NEGR1: variants seen among roughly 807,000 people sequenced by gnomAD.
NEGR1 encodes the protein IgLON family member 4.
A neutral mutation model predicts 40.9 loss-of-function variants in NEGR1; 10 were observed. That is an observed-to-expected ratio of 0.24 (90% CI 0.15 to 0.42). The LOEUF (loss-of-function observed/expected upper bound fraction) is 0.42. NEGR1 is among the 10% of genes least tolerant of loss of function. The probability of loss-of-function intolerance (pLI) is 1.00; values close to 1 mark genes in which losing one functional copy is unlikely to be tolerated. For missense variants in NEGR1, 352 were observed against 438.9 expected, an observed-to-expected ratio of 0.80 and a Z score of 1.77; for synonymous variants, 185 against 166.8, an observed-to-expected ratio of 1.11 and a Z score of -0.84.
intron 2 of NEGR1, among the ~76,000 whole-genome samples, chr1:71,846,049 C>A (rs997706737): frequency 2.6e-5 from 4 of 151,300 alleles, no homozygotes; most frequent in African/African-American, 7.3e-5. Flanking sequence ...CAGGCATGGG[C>A]CACCACCCCC....
intron 6 of NEGR1, among the ~76,000 whole-genome samples, chr1:71,567,457 C>T (rs1457759073): frequency 1.3e-5 from 2 of 152,038 alleles, no homozygotes; most frequent in Non-Finnish European, 1.5e-5. Flanking sequence ...ATTTAATAGC[C>T]TATGCTTATT....
chr1:72,252,755 T>TC (rs748592427), intron 1 of NEGR1, among the ~76,000 whole-genome samples: 10 of 152,168 alleles, frequency 6.6e-5, no homozygotes, highest in Non-Finnish European at 1.3e-4. Flanking sequence ...AGGACCCATG[T>TC]CCATTTGGGG....
At chr1:72,092,698 T>G (rs1307398033) in intron 1 of NEGR1, among the ~76,000 whole-genome samples, 1 of 152,154 alleles carries the variant, frequency 6.6e-6, no homozygotes, top group Admixed American at 6.5e-5. Context: ...TTGCCCAGGC[T>G]GGAGTGCAGT....
chr1:71,756,179 C>A lies in NEGR1; in HGVS notation c.535+19993G>T, dbSNP rs954213755. Among the ~76,000 whole-genome samples, 6 of 152,046 alleles carry A rather than the reference C, an allele frequency of 3.9e-5. 1 individual carries two copies. The highest frequency in any genetic ancestry group is 1.5e-5 in the Non-Finnish European group (1 of 68,020). On this transcript the variant is annotated intron_variant, in intron 3 of 6. Transcript: ENST00000357731. ...TGTTGGTTCTCTCATTTGTTGCCTGCTGATCACTTTTTAGTTAGCCATTGT... is the reference window on the plus strand; with the variant it reads ...TGTTGGTTCTCTCATTTGTTGCCTGATGATCACTTTTTAGTTAGCCATTGT...
intron 4 of NEGR1, among the ~76,000 whole-genome samples, chr1:71,682,660 A>C (rs1037561585): frequency 8.5e-5 from 13 of 152,162 alleles, no homozygotes; most frequent in African/African-American, 3.1e-4. Context: ...ATATGTGGCT[A>C]TGATATAGTT....
In NEGR1 at chr1:71,973,539, A is replaced by C. The variant is rs556661718; in HGVS notation, c.177-38228T>G. On this transcript the variant is annotated intron_variant, in intron 1 of 6. Transcript: ENST00000357731. ...TCATCCAGAAACCATTGGGATTTTT[A>C]ATCTCCATGCAGAATGGAAGGGACA... 7.4e-4 allele frequency among the ~76,000 whole-genome samples: 113 copies of C among 152,304 alleles called. 1 individual carries two copies. The highest frequency in any genetic ancestry group is 2.6e-3 in the African/African-American group (110 of 41,580).
At chr1:72,164,871 A>C (rs1434807320) in intron 1 of NEGR1, among the ~76,000 whole-genome samples, 1 of 152,094 alleles carries the variant, frequency 6.6e-6, no homozygotes, top group Non-Finnish European at 1.5e-5. Flanking sequence ...GAATATTTTT[A>C]AAATGTCATT....
intron 2 of NEGR1, among the ~76,000 whole-genome samples, chr1:71,905,365 T>A (rs988484402): frequency 2.0e-5 from 3 of 152,038 alleles, no homozygotes; most frequent in East Asian, 3.8e-4. Flanking sequence ...ATTTTTCTAA[T>A]CTCATATTTT....
intron 6 of NEGR1, among the ~76,000 whole-genome samples, chr1:71,426,816 A>T (rs976257405): frequency 1.2e-4 from 18 of 151,562 alleles, no homozygotes; most frequent in South Asian, 2.1e-4. Context: ...TGTGAGATTT[A>T]AAAAAAAATA....
chr1:71,710,056 A>T (rs991851659), intron 3 of NEGR1, among the ~76,000 whole-genome samples: 2 of 152,222 alleles, frequency 1.3e-5, no homozygotes, highest in African/African-American at 4.8e-5. Context: ...ATATCTAATA[A>T]TCTGATGAAA....
At chr1:72,256,635 T>G (rs1655279073) in intron 1 of NEGR1, among the ~76,000 whole-genome samples, 1 of 152,192 alleles carries the variant, frequency 6.6e-6, no homozygotes, top group African/African-American at 2.4e-5. Context: ...AGAAGAAAAT[T>G]AATGAGCTAA....
At chr1:72,222,620 T>A (rs1033512740) in intron 1 of NEGR1, among the ~76,000 whole-genome samples, 1 of 152,152 alleles carries the variant, frequency 6.6e-6, no homozygotes, top group African/African-American at 2.4e-5. Context: ...AGGTTCTCTA[T>A]CCTTACACCT....
intron 2 of NEGR1, among the ~76,000 whole-genome samples, chr1:71,867,451 C>A (rs1344142699): frequency 6.6e-6 from 1 of 152,016 alleles, no homozygotes; most frequent in African/African-American, 2.4e-5. Flanking sequence ...TGCTGTGTAG[C>A]AAATAATGGA....
chr1:72,251,364 T>A (rs1388381132), intron 1 of NEGR1, among the ~76,000 whole-genome samples: 2 of 152,160 alleles, frequency 1.3e-5, no homozygotes, highest in African/African-American at 2.4e-5. Context: ...AAAATTAAAT[T>A]AGTATAAACA....
chr1:72,244,979 A>G lies in NEGR1; in HGVS notation c.176+37340T>C, dbSNP rs1452168111. ...TGAAATCACCGACGAAAAGCACAAA[A>G]ATACAAAAACATAGCACTAGTTAGA... On this transcript the variant is annotated intron_variant, in intron 1 of 6. Transcript: ENST00000357731. Among the ~76,000 whole-genome samples, 3 of 152,040 alleles carry G rather than the reference A, an allele frequency of 2.0e-5. No homozygotes were observed. In the East Asian group the frequency reaches 5.8e-4, roughly 29 times the overall value.
intron 1 of NEGR1, among the ~76,000 whole-genome samples, chr1:72,121,325 A>T (rs1332338733): frequency 6.6e-6 from 1 of 152,030 alleles, no homozygotes; most frequent in Non-Finnish European, 1.5e-5. Context: ...CCAAGAAGAC[A>T]ATACTATAAG....
chr1:72,027,738 C>T (rs978633704), intron 1 of NEGR1, among the ~76,000 whole-genome samples: 3 of 152,158 alleles, frequency 2.0e-5, no homozygotes, highest in Non-Finnish European at 2.9e-5. Flanking sequence ...ATCTCCAGCT[C>T]TTATCTTTCT....
chr1:71,704,961 A>G (rs1653836077), intron 3 of NEGR1, among the ~76,000 whole-genome samples: 1 of 150,944 alleles, frequency 6.6e-6, no homozygotes, highest in African/African-American at 2.4e-5. Flanking sequence ...TGTGTTACCA[A>G]AAAAAAAATT....
chr1:72,104,879 CT>C (rs1307402476), intron 1 of NEGR1, among the ~76,000 whole-genome samples: 1 of 152,090 alleles, frequency 6.6e-6, no homozygotes, highest in Non-Finnish European at 1.5e-5. Flanking sequence ...GAATGTAACT[CT>C]AAAAGTAGAA....
Sources: gnomAD v4.1 joint callset for allele counts (sites outside exome capture counted in the v4.1 genomes callset) on GRCh38, gnomAD v4.1.1 for gene constraint, MANE v1.5 for transcripts, NCBI Gene and HGNC (gene_info 2026-07-23, HGNC 2026-07-21) for gene names.